The following ADAMTS18 variants were observed in gnomAD, a reference collection of about 807,000 sequenced individuals.
The protein encoded by ADAMTS18 is A disintegrin and metalloproteinase with thrombospondin motifs 18.
In ADAMTS18, 157 loss-of-function variants were observed where a neutral mutation model predicts 165.9. The ratio of observed to expected loss-of-function variants is 0.95; its 90% CI spans 0.83 to 1.08. The LOEUF (loss-of-function observed/expected upper bound fraction) is 1.08. ADAMTS18 is among the 50% of genes least tolerant of loss of function. ADAMTS18 has a pLI of 0.00. For missense variants in ADAMTS18, 2,040 were observed against 1,534.0 expected, an observed-to-expected ratio of 1.33 and a Z score of -5.51; for synonymous variants, 782 against 578.2, an observed-to-expected ratio of 1.35 and a Z score of -5.06.
chr16:77,292,783 T>C (rs1421521508), intron 20 of ADAMTS18, among the ~76,000 whole-genome samples: 1 of 152,108 alleles, frequency 6.6e-6, no homozygotes, highest in Non-Finnish European at 1.5e-5. Flanking sequence ...TGAGCCTAGA[T>C]GCTAGCAGGT....
rs150227436 is a variant in ADAMTS18 at position 77,360,728 on chromosome 16, T to A, written c.1217-1305A>T. The stretch of plus-strand genomic sequence containing the variant: ...TTTGAAGACTGTGATTAATGGTTAA[T>A]TGTTAAAATAAACTTATTTATAGGA... On this transcript the variant is annotated intron_variant, in intron 7 of 22. Transcript: ENST00000282849. Among the ~76,000 whole-genome samples, 79 of 152,352 alleles carry A rather than the reference T, an allele frequency of 5.2e-4. No homozygotes were observed. The East Asian group carries it at 0.013, about 24-fold the overall frequency.
chr16:77,383,891 C>T (rs2057069103), intron 3 of ADAMTS18, among the ~76,000 whole-genome samples: 1 of 152,110 alleles, frequency 6.6e-6, no homozygotes, highest in Admixed American at 6.5e-5. Context: ...TAGGATGCTT[C>T]AAAGGTCACC....
At chr16:77,372,730 T>C (rs879517609) in intron 3 of ADAMTS18, among the ~76,000 whole-genome samples, 8 of 152,192 alleles carry the variant, frequency 5.3e-5, no homozygotes, top group African/African-American at 1.9e-4. Context: ...ATCTTCAGGA[T>C]ATACCTCAGA....
chr16:77,320,944 A>C, intron 15 of ADAMTS18, 135 bp downstream of exon 15: 1 of 1,116,022 alleles, frequency 9.0e-7, no homozygotes, highest in Non-Finnish European at 1.4e-6. Flanking sequence ...TTACTCTTGC[A>C]CAAGTGAAAA....
At chr16:77,365,128 G>A (rs1187606648) in intron 4 of ADAMTS18, among the ~76,000 whole-genome samples, 2 of 152,074 alleles carry the variant, frequency 1.3e-5, no homozygotes, top group South Asian at 2.1e-4. Context: ...CCACACCTAC[G>A]CATTTACCTT....
At chr16:77,391,421 G>A (rs1220747784) in intron 3 of ADAMTS18, among the ~76,000 whole-genome samples, 2 of 151,730 alleles carry the variant, frequency 1.3e-5, no homozygotes, top group Admixed American at 6.6e-5. Context: ...AACCTGGGAG[G>A]TGGAAGTTGC....
chr16:77,349,132 T>C (rs966131138), intron 10 of ADAMTS18, among the ~76,000 whole-genome samples: 1 of 152,174 alleles, frequency 6.6e-6, no homozygotes, highest in Non-Finnish European at 1.5e-5. Context: ...TTATTCTCCA[T>C]TCATTAATCC....
intron 12 of ADAMTS18, 35 bp from the exon 13 acceptor site, chr16:77,326,073 A>G (rs2056090938): frequency 6.3e-7 from 1 of 1,593,660 alleles, no homozygotes; most frequent in African/African-American, 1.3e-5. Context: ...AATGTTAGTA[A>G]TCAAAGGGCT....
chr16:77,360,616 C>T (rs1397005062), intron 7 of ADAMTS18, among the ~76,000 whole-genome samples: 3 of 152,182 alleles, frequency 2.0e-5, no homozygotes, highest in Non-Finnish European at 4.4e-5. Context: ...TCACTTTGCA[C>T]ATTCCAAATT....
At chr16:77,340,538 C>T (rs1282355278) in intron 11 of ADAMTS18, among the ~76,000 whole-genome samples, 1 of 152,114 alleles carries the variant, frequency 6.6e-6, no homozygotes, top group Non-Finnish European at 1.5e-5. Context: ...CCAGAGTCTC[C>T]TGTTCCCCAT....
At chr16:77,382,995 C>T (rs746604686) in intron 3 of ADAMTS18, among the ~76,000 whole-genome samples, 1 of 152,196 alleles carries the variant, frequency 6.6e-6, no homozygotes, top group African/African-American at 2.4e-5. Context: ...TGTTCCCCTC[C>T]TCCAATCCTT....
At position 77,293,230 on chromosome 16, in the gene ADAMTS18, C is replaced by T; in HGVS notation, c.3035G>A (p.Arg1012Lys). Residue 1012 changes from arginine (R) to lysine (K), a missense_variant, in exon 20 of 23, where the codon AGG (arginine) becomes AAG (lysine). Physicochemically the swap from Arg to Lys is conservative, Grantham distance 26. Coordinates refer to ENST00000282849, the MANE Select transcript of ADAMTS18 (RefSeq NM_199355.4). ...GCCCTTGCAGAGGAGTTCACGCTTCCTCACCCCTCGTCCACAGGTCTTGGA... is the reference window on the plus strand; with the variant it reads ...GCCCTTGCAGAGGAGTTCACGCTTCTTCACCCCTCGTCCACAGGTCTTGGA... Reference protein sequence around the residue: ...QCSKTCGRGVRKRELLCKGSA... With the variant: ...QCSKTCGRGVKKRELLCKGSA... 6.2e-7 allele frequency: 1 copy of T among 1,613,854 alleles called. No individual in the cohort carries two copies. Among genetic ancestry groups the T allele is most frequent in the Non-Finnish European group, 8.5e-7 (1 of 1,179,958 alleles).
chr16:77,405,892 G>C (rs192479135), intron 3 of ADAMTS18, among the ~76,000 whole-genome samples: 117 of 152,142 alleles, frequency 7.7e-4, no homozygotes, highest in Non-Finnish European at 1.5e-3. Flanking sequence ...CACTCTCACA[G>C]ATCCTACTTC....
At chr16:77,406,653 C>T (rs569668961) in intron 3 of ADAMTS18, among the ~76,000 whole-genome samples, 25 of 152,114 alleles carry the variant, frequency 1.6e-4, no homozygotes, top group East Asian at 3.9e-4. Context: ...AAAAGACACA[C>T]GCACTCATAT....
intron 19 of ADAMTS18, 28 bp downstream of exon 19, chr16:77,294,895 T>C (rs2055436107): frequency 4.3e-6 from 7 of 1,610,920 alleles, no homozygotes; most frequent in Non-Finnish European, 5.9e-6. Flanking sequence ...GGACCGAGAA[T>C]AGTAACTCCC....
intron 3 of ADAMTS18, among the ~76,000 whole-genome samples, chr16:77,376,150 G>A (rs769923188): frequency 4.5e-4 from 69 of 152,118 alleles, no homozygotes; most frequent in Non-Finnish European, 7.6e-4. Flanking sequence ...TGATCCACCC[G>A]CCTCAGACTC....
At chr16:77,335,149 G>T (rs957871129) in intron 12 of ADAMTS18, among the ~76,000 whole-genome samples, 1 of 149,742 alleles carries the variant, frequency 6.7e-6, no homozygotes, top group East Asian at 2.0e-4. Context: ...ATACTATTCA[G>T]CCATTATAAA....
intron 2 of ADAMTS18, among the ~76,000 whole-genome samples, chr16:77,433,890 G>C (rs1304756876): frequency 1.3e-5 from 2 of 152,102 alleles, no homozygotes; most frequent in East Asian, 3.9e-4. Context: ...TCAGAGACCT[G>C]AAGTCACCTG....
chr16:77,309,942 A>G (rs2055750117), intron 16 of ADAMTS18, among the ~76,000 whole-genome samples: 1 of 152,224 alleles, frequency 6.6e-6, no homozygotes, highest in East Asian at 1.9e-4. Flanking sequence ...ATTTTAGGAG[A>G]TCAAATTTCA....
Sources: gnomAD v4.1 joint callset for allele counts (sites outside exome capture counted in the v4.1 genomes callset) on GRCh38, gnomAD v4.1.1 for gene constraint, MANE v1.5 for transcripts, NCBI Gene and HGNC (gene_info 2026-07-23, HGNC 2026-07-21) for gene names.